TUSC3: variants seen among roughly 807,000 people sequenced by gnomAD.
The protein encoded by TUSC3 is tumor suppressor candidate 3, also known as dolichyl-diphosphooligosaccharide--protein glycosyltransferase subunit TUSC3.
TUSC3 carries 45 observed loss-of-function variants against 44.8 expected under a neutral mutation model. The observed-to-expected ratio is 1.00, with a 90% CI of 0.79 to 1.29. The LOEUF is 1.29. TUSC3 is among the 50% of genes most tolerant of loss of function. The pLI, the probability that TUSC3 is intolerant of heterozygous loss-of-function variation, is 0.00. For synonymous variants in TUSC3, 212 were observed against 152.9 expected, an observed-to-expected ratio of 1.39 and a Z score of -2.85; for missense variants, 519 against 437.9, an observed-to-expected ratio of 1.19 and a Z score of -1.65.
At chr8:15,582,773 G>A (rs750297447) in intron 1 of TUSC3, among the ~76,000 whole-genome samples, 1 of 152,128 alleles carries the variant, frequency 6.6e-6, no homozygotes, top group Admixed American at 6.6e-5. Context: ...GCCTCAACTC[G>A]AAGATTAGTC....
intron 1 of TUSC3, among the ~76,000 whole-genome samples, chr8:15,596,066 C>T (rs1022669087): frequency 2.6e-5 from 4 of 152,156 alleles, no homozygotes; most frequent in African/African-American, 9.7e-5. Context: ...TTTCTAGTCT[C>T]TCATCTAAAG....
intron 1 of TUSC3, among the ~76,000 whole-genome samples, chr8:15,469,885 C>T (rs1800462279): frequency 6.6e-6 from 1 of 152,236 alleles, no homozygotes; most frequent in East Asian, 1.9e-4. Context: ...TGAAAGAAGC[C>T]AGTCTGAAAA....
intron 2 of TUSC3, among the ~76,000 whole-genome samples, chr8:15,627,366 C>G (rs1347329463): frequency 1.3e-5 from 2 of 152,238 alleles, no homozygotes; most frequent in Non-Finnish European, 2.9e-5. Context: ...CAGGTTCCCT[C>G]TGAGCTGTTC....
chr8:15,717,645 C>T (rs1019830999), intron 6 of TUSC3, among the ~76,000 whole-genome samples: 1 of 151,988 alleles, frequency 6.6e-6, no homozygotes, highest in Non-Finnish European at 1.5e-5. Flanking sequence ...GGAGTCTTTC[C>T]ATGTCAGCCT....
At chr8:15,417,968 A>C (rs961172855) in intron 1 of TUSC3, among the ~76,000 whole-genome samples, 1 of 152,196 alleles carries the variant, frequency 6.6e-6, no homozygotes. Flanking sequence ...ACAATTATTA[A>C]AACTCTACAT....
chr8:15,712,099 A>T (rs761442780), intron 6 of TUSC3, among the ~76,000 whole-genome samples: 1 of 152,048 alleles, frequency 6.6e-6, no homozygotes, highest in Non-Finnish European at 1.5e-5. Flanking sequence ...TCTTATTAAT[A>T]GTATTTTCAG....
At chr8:15,679,434 C>T (rs986874583) in intron 6 of TUSC3, among the ~76,000 whole-genome samples, 2 of 152,070 alleles carry the variant, frequency 1.3e-5, no homozygotes, top group African/African-American at 4.8e-5. Context: ...ATCCTTTGCC[C>T]ACTTTTTAAT....
At chr8:15,747,151 C>T (rs866802609) in intron 8 of TUSC3, among the ~76,000 whole-genome samples, 18 of 152,000 alleles carry the variant, frequency 1.2e-4, no homozygotes, top group Middle Eastern at 6.8e-3. Context: ...CAAAGCCGTA[C>T]CTTATGTACT....
intron 1 of TUSC3, 89 bp from the exon 2 acceptor site, chr8:15,622,991 A>G (rs1805320127): frequency 1.5e-6 from 2 of 1,348,676 alleles, no homozygotes; most frequent in Admixed American, 4.2e-5. Context: ...ATTAGGAAAA[A>G]GAAAATAAAA....
chr8:15,473,821 C>G (rs564693707), intron 1 of TUSC3, among the ~76,000 whole-genome samples: 1 of 152,282 alleles, frequency 6.6e-6, no homozygotes, highest in East Asian at 1.9e-4. Flanking sequence ...TGATAAGGGT[C>G]TGTGTTCAGC....
At chr8:15,614,971 A>G (rs1046899142) in intron 1 of TUSC3, among the ~76,000 whole-genome samples, 2 of 151,466 alleles carry the variant, frequency 1.3e-5, no homozygotes, top group African/African-American at 4.8e-5. Flanking sequence ...AAATTCGGAA[A>G]AGGACGCGTA....
At chr8:15,434,773 A>G (rs780489481) in intron 1 of TUSC3, among the ~76,000 whole-genome samples, 9 of 151,390 alleles carry the variant, frequency 5.9e-5, no homozygotes, top group Non-Finnish European at 1.2e-4. Context: ...CCTGTGAGTG[A>G]GAACATGTGG....
rs73193324 is a variant in TUSC3 at position 15,512,190 on chromosome 8, G to A, written n.189+28707G>A. Among the ~76,000 whole-genome samples the A allele has an allele frequency of 9.8e-3, 1,495 of 152,320 alleles. 14 individuals are homozygous for A. Among genetic ancestry groups the A allele is most frequent in the Non-Finnish European group, 0.016 (1,087 of 68,028 alleles). On this transcript the variant is annotated intron_variant and non_coding_transcript_variant, in intron 2 of 5. Coordinates refer to the TUSC3 transcript ENST00000503191. ...AAATAGATTAATGAAACAGGAGAGC[G>A]ATACTCTAGATATTTCTGTGAATGT... is the stretch of plus-strand genomic sequence containing the variant.
chr8:15,701,532 G>A (rs1473208081), intron 6 of TUSC3, among the ~76,000 whole-genome samples: 1 of 152,060 alleles, frequency 6.6e-6, no homozygotes, highest in African/African-American at 2.4e-5. Flanking sequence ...TGGGTTTGGG[G>A]GTTGTTTGAT....
chr8:15,663,131 T>C (rs912428805), intron 5 of TUSC3, among the ~76,000 whole-genome samples: 4 of 151,684 alleles, frequency 2.6e-5, no homozygotes, highest in Non-Finnish European at 5.9e-5. Context: ...GAAAATAAAA[T>C]CTCTTTCACA....
chr8:15,518,985 T>G (rs942796885), intron 2 of TUSC3, among the ~76,000 whole-genome samples: 3 of 152,184 alleles, frequency 2.0e-5, no homozygotes, highest in Admixed American at 6.5e-5. Context: ...ATATTAAATC[T>G]CTGTATGCAA....
chr8:15,566,427 T>TA (rs1212947762), intron 1 of TUSC3, among the ~76,000 whole-genome samples: 1 of 152,170 alleles, frequency 6.6e-6, no homozygotes, highest in Non-Finnish European at 1.5e-5. Flanking sequence ...GTGCTATTGT[T>TA]ACCATTTTAA....
the TUSC3 span, among the ~76,000 whole-genome samples, chr8:15,819,783 C>A: frequency 6.6e-6 from 1 of 152,282 alleles, no homozygotes; most frequent in Non-Finnish European, 1.5e-5. Context: ...TCTTCAAATT[C>A]AGAACTCACA....
At chr8:15,431,043 T>C (rs1398903847) in intron 1 of TUSC3, among the ~76,000 whole-genome samples, 1 of 151,748 alleles carries the variant, frequency 6.6e-6, no homozygotes, top group African/African-American at 2.4e-5. Context: ...CTGGTATATG[T>C]ATCAGTCTTT....
Sources: allele counts gnomAD v4.1 joint callset (sites outside exome capture counted in the v4.1 genomes callset), GRCh38; gene constraint gnomAD v4.1.1; transcripts MANE v1.5; gene names NCBI Gene and HGNC (gene_info 2026-07-23, HGNC 2026-07-21).